Variants in PPM1L observed in about 807,000 individuals in gnomAD.
The protein encoded by PPM1L is protein phosphatase 1L.
Under a neutral mutation model 31.4 loss-of-function variants are expected in PPM1L, and 13 were observed. That is an observed-to-expected ratio of 0.41 (90% confidence interval 0.27 to 0.66). The LOEUF (loss-of-function observed/expected upper bound fraction) is 0.66, where lower values mean the gene tolerates loss of function less well. Ranked by LOEUF, PPM1L falls within the 30% of genes least tolerant of loss-of-function variation. The probability of loss-of-function intolerance (pLI) is 0.29; values close to 1 mark genes in which losing one functional copy is unlikely to be tolerated. For missense variants in PPM1L, 326 were observed against 453.7 expected, an observed-to-expected ratio of 0.72 and a Z score of 2.56; for synonymous variants, 184 against 175.4, an observed-to-expected ratio of 1.05 and a Z score of -0.39.
intron 1 of PPM1L, among the ~76,000 whole-genome samples, chr3:160,768,752 G>C (rs867583269): frequency 1.4e-4 from 21 of 152,100 alleles, no homozygotes; most frequent in African/African-American, 5.1e-4. Context: ...GAAGTTTTTG[G>C]TTGCAAGTGA....
intron 2 of PPM1L, among the ~76,000 whole-genome samples, chr3:161,045,203 G>C (rs1422857392): frequency 6.6e-6 from 1 of 152,074 alleles, no homozygotes; most frequent in Non-Finnish European, 1.5e-5. Context: ...GTCAACATTA[G>C]ACAGATCAAC....
chr3:160,783,335 C>T (rs1009086447), intron 1 of PPM1L, among the ~76,000 whole-genome samples: 14 of 152,140 alleles, frequency 9.2e-5, no homozygotes, highest in African/African-American at 3.1e-4. Flanking sequence ...TGCGGTGGCT[C>T]ACGCCTGTAA....
intron 2 of PPM1L, among the ~76,000 whole-genome samples, chr3:160,965,167 C>T (rs1397206401): frequency 2.0e-5 from 3 of 151,516 alleles, no homozygotes; most frequent in Admixed American, 1.3e-4. Flanking sequence ...AGGAGAATGG[C>T]GTGAACCCAG....
chr3:161,068,764 G>C, intron 3 of PPM1L, 47 bp from the exon 4 acceptor site: 8 of 1,498,640 alleles, frequency 5.3e-6, no homozygotes, highest in Non-Finnish European at 7.3e-6. Context: ...TCCCAGGTAA[G>C]TGAGATATCA....
chr3:160,969,539 C>G (rs772165869), intron 2 of PPM1L, among the ~76,000 whole-genome samples: 1 of 152,114 alleles, frequency 6.6e-6, no homozygotes, highest in Non-Finnish European at 1.5e-5. Flanking sequence ...CATAAAAAAT[C>G]TAGTAAAAGG....
At position 160,800,549 on chromosome 3, in the gene PPM1L, A is replaced by G. The variant is rs928188313; in HGVS notation, c.399+43842A>G. 5.9e-5 allele frequency among the ~76,000 whole-genome samples: 9 copies of G among 152,138 alleles called. No individual in the cohort carries two copies. The South Asian group carries it at 1.9e-3, about 31-fold the overall frequency. On this transcript the variant is annotated intron_variant, in intron 1 of 3. Coordinates refer to ENST00000498165, the MANE Select transcript of PPM1L (RefSeq NM_139245.4). Reference sequence around the variant, plus strand: ...AAGCCAGTTGGCTTATGTAGGGAGAAATCTTCTGAGTTTTTTTCTTTTTTC... The same window carrying G: ...AAGCCAGTTGGCTTATGTAGGGAGAGATCTTCTGAGTTTTTTTCTTTTTTC...
chr3:160,815,170 G>A (rs566295814), intron 1 of PPM1L, among the ~76,000 whole-genome samples: 6 of 152,108 alleles, frequency 3.9e-5, no homozygotes, highest in African/African-American at 1.4e-4. Context: ...TTAAAAAAGA[G>A]AGAGAGAGAG....
chr3:161,062,853 T>G (rs1429927028), intron 2 of PPM1L, among the ~76,000 whole-genome samples: 1 of 152,140 alleles, frequency 6.6e-6, no homozygotes, highest in Non-Finnish European at 1.5e-5. Flanking sequence ...TTGGATCCCC[T>G]GGAGTACAGG....
chr3:160,965,253 A>T (rs552347270), intron 2 of PPM1L, among the ~76,000 whole-genome samples: 181 of 152,106 alleles, frequency 1.2e-3, no homozygotes, highest in African/African-American at 4.1e-3. Context: ...TCTCAAAAAA[A>T]AAAAGAAAAA....
At chr3:160,940,501 T>A (rs926356082) in intron 1 of PPM1L, among the ~76,000 whole-genome samples, 1 of 152,176 alleles carries the variant, frequency 6.6e-6, no homozygotes, top group Non-Finnish European at 1.5e-5. Context: ...GCCTAGGGAC[T>A]TGGTGCCTTG....
chr3:160,871,916 A>T (rs1328333098), intron 1 of PPM1L, among the ~76,000 whole-genome samples: 2 of 152,132 alleles, frequency 1.3e-5, no homozygotes, highest in Admixed American at 6.5e-5. Context: ...GAAAATGACC[A>T]CTTTTGTATT....
intron 1 of PPM1L, among the ~76,000 whole-genome samples, chr3:160,840,203 T>C (rs1018219846): frequency 1.3e-5 from 2 of 152,184 alleles, no homozygotes; most frequent in Non-Finnish European, 2.9e-5. Context: ...GAAAGCATCG[T>C]GAAATATTTA....
chr3:160,889,616 G>T (rs1432982721), intron 1 of PPM1L, among the ~76,000 whole-genome samples: 1 of 152,090 alleles, frequency 6.6e-6, no homozygotes, highest in Non-Finnish European at 1.5e-5. Context: ...ATTCCAAACA[G>T]TTGAAAAGGA....
chr3:160,983,536 G>T (rs2108036884), intron 2 of PPM1L, among the ~76,000 whole-genome samples: 1 of 152,292 alleles, frequency 6.6e-6, no homozygotes, highest in South Asian at 2.1e-4. Flanking sequence ...GTAAATCCCT[G>T]ACTAGCTACA....
At chr3:160,784,597 G>C (rs1711847060) in intron 1 of PPM1L, among the ~76,000 whole-genome samples, 3 of 152,208 alleles carry the variant, frequency 2.0e-5, no homozygotes, top group African/African-American at 7.2e-5. Context: ...TACCTTGTGA[G>C]TTTAACAATC....
chr3:160,999,417 T>C (rs1717415424), intron 2 of PPM1L, among the ~76,000 whole-genome samples: 1 of 152,162 alleles, frequency 6.6e-6, no homozygotes, highest in Admixed American at 6.6e-5. Flanking sequence ...ATTTGTGAAT[T>C]CAGATGATTG....
At position 160,972,139 on chromosome 3, in the gene PPM1L, A is replaced by C. The variant is rs562651008; in HGVS notation, c.574+10229A>C. 3.9e-5 allele frequency among the ~76,000 whole-genome samples: 6 copies of C among 152,360 alleles called. No homozygotes were observed. The East Asian group carries it at 1.2e-3, about 29-fold the overall frequency. On this transcript the variant is annotated intron_variant, in intron 2 of 3. Coordinates refer to ENST00000498165, the MANE Select transcript of PPM1L (RefSeq NM_139245.4). ...TTATTTTAGTTTATATTAATATGCT[A>C]TCAGCATTGCCTGTTTGCTTATGAT... is the stretch of plus-strand genomic sequence containing the variant.
intron 1 of PPM1L, among the ~76,000 whole-genome samples, chr3:160,820,892 T>A (rs1227113846): frequency 6.6e-6 from 1 of 152,254 alleles, no homozygotes; most frequent in East Asian, 1.9e-4. Context: ...CAAGAGTTTT[T>A]TTAAGGATAT....
At chr3:160,816,431 C>T (rs1712996841) in intron 1 of PPM1L, among the ~76,000 whole-genome samples, 1 of 150,942 alleles carries the variant, frequency 6.6e-6, no homozygotes, top group African/African-American at 2.4e-5. Flanking sequence ...GCAAATATGG[C>T]CTAAGGAAAT....
Sources: allele counts gnomAD v4.1 joint callset (sites outside exome capture counted in the v4.1 genomes callset), GRCh38; gene constraint gnomAD v4.1.1; transcripts MANE v1.5; gene names NCBI Gene and HGNC (gene_info 2026-07-23, HGNC 2026-07-21).